The following FAM107A variants were observed in gnomAD, a reference collection of about 807,000 sequenced individuals.
FAM107A encodes the protein family with sequence similarity 107 member A.
A neutral mutation model predicts 13.7 loss-of-function variants in FAM107A; 19 were observed. The ratio of observed to expected loss-of-function variants is 1.38; its 90% CI spans 0.97 to 2.03. The LOEUF (loss-of-function observed/expected upper bound fraction) is 2.03, where lower values mean the gene tolerates loss of function less well. Ranked by LOEUF, FAM107A falls within the 30% of genes most tolerant of loss-of-function variation. The probability of loss-of-function intolerance (pLI) is 0.00; values close to 1 mark genes in which losing one functional copy is unlikely to be tolerated. For synonymous variants in FAM107A, 82 were observed against 74.5 expected (o/e 1.10, Z -0.52); for missense variants, 203 against 184.4 (o/e 1.10, Z -0.58).
At chr3:58,626,750 C>T (rs1227473248) in intron 1 of FAM107A, among the ~76,000 whole-genome samples, 3 of 152,194 alleles carry the variant, frequency 2.0e-5, no homozygotes, top group African/African-American at 7.2e-5. Flanking sequence ...AGAGATTTGG[C>T]TGCCCCCGAG....
chr3:58,610,211 GACTAAATGGGGGTT>G (rs1205114113), intron 1 of FAM107A, among the ~76,000 whole-genome samples: 1 of 152,174 alleles, frequency 6.6e-6, no homozygotes, highest in Non-Finnish European at 1.5e-5. Context: ...ACAACCACCA[GACTAAATGGGGGTT>G]ACTAAATGGG....
intron 1 of FAM107A, among the ~76,000 whole-genome samples, chr3:58,596,160 T>A (rs761853558): frequency 6.6e-6 from 1 of 152,188 alleles, no homozygotes; most frequent in Non-Finnish European, 1.5e-5. Flanking sequence ...ATGTCCTGAT[T>A]GTTGAGAAAA....
At chr3:58,600,358 C>A (rs2065743646) in intron 1 of FAM107A, among the ~76,000 whole-genome samples, 1 of 152,216 alleles carries the variant, frequency 6.6e-6, no homozygotes, top group Non-Finnish European at 1.5e-5. Flanking sequence ...ATCTTCCTCT[C>A]TGTCTTTTAA....
Position 58,567,332 on chromosome 3 carries a change from T to G in FAM107A, c.203A>C (p.Gln68Pro), listed in dbSNP as rs1470514560. The change falls in exon 3 of 4, where the codon CAG becomes CCG. Residue 68 changes from glutamine to proline, a missense_variant. By Grantham distance (76) the Gln-to-Pro change is moderately conservative. Coordinates refer to ENST00000360997, the MANE Select transcript of FAM107A (RefSeq NM_001076778.3). ...CCGCCGGCGGTGCTCTAGGACACGC[T>G]GCAGCTCTGGCTTGCTGTCCACACC... ...GLGVDSKPEL[Q>P]RVLEHRRRNQ... The G allele has an allele frequency of 1.2e-6, 2 of 1,611,890 alleles. No homozygotes were observed. Among genetic ancestry groups the G allele is most frequent in the Non-Finnish European group, 1.7e-6 (2 of 1,179,400 alleles).
At chr3:58,581,189 A>G (rs1199145455), upstream of FAM107A, among the ~76,000 whole-genome samples, 2 of 152,204 alleles carry the variant, frequency 1.3e-5, no homozygotes, top group Admixed American at 6.5e-5. Flanking sequence ...TGGGGCATCA[A>G]AGGGGGAAGC....
intron 1 of FAM107A, among the ~76,000 whole-genome samples, chr3:58,600,627 T>G (rs1231540284): frequency 6.6e-6 from 1 of 152,188 alleles, no homozygotes; most frequent in Non-Finnish European, 1.5e-5. Context: ...TTCACTGTCT[T>G]TCTGAGAACA....
At chr3:58,601,626 T>G (rs779767292) in intron 1 of FAM107A, among the ~76,000 whole-genome samples, 5 of 152,228 alleles carry the variant, frequency 3.3e-5, no homozygotes, top group African/African-American at 1.2e-4. Flanking sequence ...TTTCTGTACA[T>G]GGGCAAGCGC....
Position 58,566,619 on chromosome 3 carries a change from G to A in FAM107A, c.404C>T (p.Ala135Val), listed in dbSNP as rs1403636981. ...IKVRENLRRI[A>V]TLTSEEREL ...CTCTCTCTCTTCGCTGGTCAGTGTG[G>A]CAATTCTCCGCAGGTTTTCCCTGAC... The change falls in exon 4 of 4, where the codon GCC (alanine) becomes GTC (valine). Residue 135 changes from alanine (A) to valine (V), a missense_variant. Ala to Val is a moderately conservative substitution (Grantham distance 64). Transcript: ENST00000360997. 2 of 1,613,714 alleles carry A rather than the reference G, an allele frequency of 1.2e-6. No homozygotes were observed. The highest frequency in any genetic ancestry group is 1.7e-6 in the Non-Finnish European group (2 of 1,179,858).
At chr3:58,626,199 GC>G (rs1206351293) in intron 1 of FAM107A, among the ~76,000 whole-genome samples, 8 of 126,738 alleles carry the variant, frequency 6.3e-5, no homozygotes, top group African/African-American at 2.0e-4. Flanking sequence ...GTAAATGCAG[GC>G]CCCTCTTTGC....
chr3:58,597,795 G>GAA (rs2065720507), intron 1 of FAM107A, among the ~76,000 whole-genome samples: 1 of 152,110 alleles, frequency 6.6e-6, no homozygotes, highest in Non-Finnish European at 1.5e-5. Context: ...TGAGGCCTTC[G>GAA]GCAGGTTAAG....
chr3:58,626,005 C>G (rs762361677), intron 1 of FAM107A, among the ~76,000 whole-genome samples: 1 of 152,152 alleles, frequency 6.6e-6, no homozygotes. Context: ...GAACTTCCCA[C>G]GAAGCAGGTA....
At chr3:58,602,226 C>T (rs55767434) in intron 1 of FAM107A, among the ~76,000 whole-genome samples, 37,763 of 151,936 alleles carry the variant, frequency 0.25, 5,242 homozygotes, top group South Asian at 0.48. Flanking sequence ...GCTCTGCCTC[C>T]CCAGAAATCA....
At position 58,596,263 on chromosome 3, in the gene FAM107A, G is replaced by A. The variant is rs187961485; in HGVS notation, c.-69-6994C>T. 4.6e-3 allele frequency among the ~76,000 whole-genome samples: 708 copies of A among 152,276 alleles called. 7 individuals are homozygous for A. Among genetic ancestry groups the A allele is most frequent in the African/African-American group, 0.016 (650 of 41,546 alleles). On this transcript the variant is annotated intron_variant, in intron 1 of 3. Transcript: ENST00000465970. ...TCCTATTGCTTCTCCTAGAGGCTGAGACCTCAATGTGAAAGTGTCAAGGAG... is the reference window on the plus strand; with the variant it reads ...TCCTATTGCTTCTCCTAGAGGCTGAAACCTCAATGTGAAAGTGTCAAGGAG...
upstream of FAM107A, among the ~76,000 whole-genome samples, chr3:58,589,433 GTGTGTGTGTGTGTGTA>G (rs947812984): frequency 1.3e-5 from 2 of 151,024 alleles, no homozygotes; most frequent in African/African-American, 4.9e-5. Flanking sequence ...TGGAATGGAT[GTGTGTGTGTGTGTGTA>G]TGTGTGTGTG....
chr3:58,586,031 A>G (rs2065602169), intron 1 of FAM107A, among the ~76,000 whole-genome samples: 1 of 152,216 alleles, frequency 6.6e-6, no homozygotes, highest in Non-Finnish European at 1.5e-5. Context: ...CCTTCCAAAT[A>G]GTTGCATGCA....
At position 58,603,268 on chromosome 3, in the gene FAM107A, G is replaced by A. The variant is rs117805325; in HGVS notation, c.-69-13999C>T. On this transcript the variant is annotated intron_variant, in intron 1 of 3. Transcript: ENST00000465970. ...TCCCAGGCCTGTCTTTAGTTATGAT[G>A]AGAATAATGAGAAGGAGGACAATGA... 1.9e-4 allele frequency among the ~76,000 whole-genome samples: 29 copies of A among 152,246 alleles called. No homozygotes were observed. The East Asian group carries it at 4.8e-3, about 25-fold the overall frequency.
At chr3:58,614,972 A>G (rs1013457994) in intron 1 of FAM107A, among the ~76,000 whole-genome samples, 2 of 151,592 alleles carry the variant, frequency 1.3e-5, no homozygotes, top group African/African-American at 4.9e-5. Flanking sequence ...CATCTGGCTG[A>G]TTTTTGTATT....
intron 1 of FAM107A, among the ~76,000 whole-genome samples, chr3:58,615,002 C>T (rs1228771880): frequency 6.7e-6 from 1 of 149,302 alleles, no homozygotes; most frequent in Non-Finnish European, 1.5e-5. Flanking sequence ...GATGGGGTTT[C>T]ACTATGTTGG....
At chr3:58,599,194 A>C (rs1019365660) in intron 1 of FAM107A, among the ~76,000 whole-genome samples, 3 of 152,102 alleles carry the variant, frequency 2.0e-5, no homozygotes, top group African/African-American at 7.2e-5. Context: ...CGCCTGCCTC[A>C]GCCTCCCAAA....
Sources: allele counts gnomAD v4.1 joint callset (sites outside exome capture counted in the v4.1 genomes callset), GRCh38; gene constraint gnomAD v4.1.1; transcripts MANE v1.5; gene names NCBI Gene and HGNC (gene_info 2026-07-23, HGNC 2026-07-21).